MTA2: variants seen among roughly 807,000 people sequenced by gnomAD.
MTA2 encodes the protein metastasis-associated protein MTA2.
MTA2 carries 22 observed loss-of-function variants against 87.1 expected under a neutral mutation model. That is an observed-to-expected ratio of 0.25 (90% CI 0.18 to 0.36). MTA2 has a LOEUF of 0.36. Among genes scored for constraint, MTA2 ranks in the 10% least tolerant of loss-of-function variants. The probability of loss-of-function intolerance (pLI) is 1.00; values close to 1 mark genes in which losing one functional copy is unlikely to be tolerated. For synonymous variants in MTA2, 314 were observed against 310.1 expected, an observed-to-expected ratio of 1.01 and a Z score of -0.13; for missense variants, 542 against 853.2, an observed-to-expected ratio of 0.64 and a Z score of 4.54.
Position 62,601,424 on chromosome 11 carries a change from T to G in MTA2, c.27A>C (p.Gly9=), listed in dbSNP as rs1231131647. 2 of 1,610,472 alleles carry G rather than the reference T, an allele frequency of 1.2e-6. No homozygotes were observed. Among genetic ancestry groups the G allele is most frequent in the South Asian group, 2.2e-5 (2 of 90,788 alleles). The change falls in exon 1 of 18, where the codon GGA becomes GGC. Residue 9 remains glycine, a splice_region_variant and synonymous_variant. Coordinates refer to ENST00000278823, the MANE Select transcript of MTA2 (RefSeq NM_004739.4). ...CGTATCCCTGCGCCCGGTACTCACC[T>G]CCCACCCGGTACATGTTGGCCGCCA... is the stretch of plus-strand genomic sequence containing the variant. The part of the protein sequence containing the change: MAANMYRV[G]DYVYFENSSS...
At chr11:62,594,740 AG>A (rs1306212849) in intron 15 of MTA2, 106 bp from the exon 16 acceptor site, 1 of 1,068,772 alleles carries the variant, frequency 9.4e-7, no homozygotes, top group Admixed American at 2.1e-5. Flanking sequence ...CATCCCCAAA[AG>A]TAGCAATGGG....
At chr11:62,598,299 C>A (rs756835416) in intron 5 of MTA2, 28 bp downstream of exon 5, 1 of 1,610,820 alleles carries the variant, frequency 6.2e-7, no homozygotes, top group Non-Finnish European at 8.5e-7. Flanking sequence ...CCATTCCCCT[C>A]GCTCTTCTCT....
At position 62,593,516 on chromosome 11, in the gene MTA2, ATC is replaced by A. The variant is rs80330686; in HGVS notation, c.*357_*358del. ...CCCCAACCAGGTACCACCACCTGTT[ATC>A]TGTTTACTCTTCCCCTCCCCATCCC... is the stretch of plus-strand genomic sequence containing the variant. On this transcript the variant is annotated 3_prime_UTR_variant, in exon 18 of 18. Coordinates refer to ENST00000278823, the MANE Select transcript of MTA2 (RefSeq NM_004739.4). 4.3e-3 allele frequency: 617 copies of A among 144,782 alleles called. 34 individuals carry two copies. In the East Asian group the frequency reaches 0.12, roughly 29 times the overall value. The allele number at this position is 144,782 out of a possible 1,614,324, so 9.0% of individuals were successfully genotyped here. A position where few individuals can be genotyped will look rare whatever the true frequency, so the allele number is the denominator to read the frequency against.
chr11:62,600,088 C>G, intron 3 of MTA2, 78 bp downstream of exon 3: 2 of 1,357,504 alleles, frequency 1.5e-6, no homozygotes, highest in South Asian at 1.2e-5. Flanking sequence ...GGGCATGCTA[C>G]CAGGGGAAAT....
In MTA2 at chr11:62,593,592, C is replaced by G. The variant is rs1233244585; in HGVS notation, c.*283G>C. 8 of 346,930 alleles carry G rather than the reference C, an allele frequency of 2.3e-5. No homozygotes were observed. The highest frequency in any genetic ancestry group is 4.3e-5 in the African/African-American group (2 of 46,502). 21.5% of individuals were successfully genotyped at this position (346,930 alleles called of 1,614,324 possible). ...TTTAAAAAATTAAAAAACCCTCCCC[C>G]CAAAACTGTCCAAGACATCTGTGGG... On this transcript the variant is annotated 3_prime_UTR_variant, in exon 18 of 18. Transcript: ENST00000278823.
chr11:62,594,235 C>T (rs371864017), intron 17 of MTA2, 24 bp downstream of exon 17: 5 of 1,613,652 alleles, frequency 3.1e-6, no homozygotes, highest in African/African-American at 2.7e-5. Context: ...TCCCTCTCAG[C>T]CCCTCCCATG....
At chr11:62,601,365 A>T in intron 1 of MTA2, 58 bp downstream of exon 1, 2 of 1,592,922 alleles carry the variant, frequency 1.3e-6, no homozygotes, top group Non-Finnish European at 8.6e-7. Flanking sequence ...CGAGCCCCTC[A>T]GGTCCCTACC....
In MTA2 at chr11:62,601,055, G is replaced by A. The variant is rs1219826159; in HGVS notation, c.29-366C>T. On this transcript the variant is annotated intron_variant, in intron 1 of 17. Transcript: ENST00000278823. ...AATCGAGGCGCACAATAACGCCTGG[G>A]AAGAGGAAACCTCCGGGCGGCTCCC... The A allele has an allele frequency of 9.9e-6, 5 of 502,774 alleles. No individual in the cohort carries two copies. In the East Asian group the frequency reaches 1.1e-4, roughly 11 times the overall value. The allele number at this position is 502,774 out of a possible 1,614,324, so 31.1% of individuals were successfully genotyped here.
chr11:62,600,028 T>A, intron 3 of MTA2, 138 bp downstream of exon 3: 1 of 701,522 alleles, frequency 1.4e-6, no homozygotes, highest in Non-Finnish European at 2.4e-6. Context: ...AAAACAGGCC[T>A]CCCTCCTCAG....
At position 62,600,257 on chromosome 11, in the gene MTA2, A is replaced by G. The variant is rs1942158940; in HGVS notation, c.99T>C (p.Thr33=). 6.2e-7 allele frequency: 1 copy of G among 1,614,168 alleles called. No individual in the cohort carries two copies. ...LVRRIEELNK[T]ANGNVEAKVV... ...CCTTTGCCTCCACATTTCCATTTGCAGTCTAAGGGGAGGAAAAAAACAAAA... is the reference window on the plus strand; with the variant it reads ...CCTTTGCCTCCACATTTCCATTTGCGGTCTAAGGGGAGGAAAAAAACAAAA... The change falls in exon 3 of 18, where the codon ACT becomes ACC. Residue 33 remains threonine, a splice_region_variant and synonymous_variant. Coordinates refer to ENST00000278823, the MANE Select transcript of MTA2 (RefSeq NM_004739.4).
Position 62,596,545 on chromosome 11 carries a change from G to A in MTA2, c.883-13C>T, listed in dbSNP as rs200509559. On this transcript the variant is annotated splice_polypyrimidine_tract_variant and intron_variant, in intron 9 of 17. Transcript: ENST00000278823. ...ACTTCCAGGGTAGCTAAGGGGGGCA[G>A]AGGGAGGAAGAATGAGCTGGCATCT... is the stretch of plus-strand genomic sequence containing the variant. 1.4e-5 allele frequency: 22 copies of A among 1,614,022 alleles called. No homozygotes were observed. In the South Asian group the frequency reaches 1.6e-4, roughly 12 times the overall value.
chr11:62,597,206 C>CA (rs35814304), intron 8 of MTA2, 110 bp downstream of exon 8: 179,851 of 635,694 alleles, frequency 0.28, 12,828 homozygotes, highest in Non-Finnish European at 0.33. Flanking sequence ...ACAAAACAAA[C>CA]AAAAAAAAAA....
At position 62,598,528 on chromosome 11, in the gene MTA2, T is replaced by G; in HGVS notation, c.302A>C (p.His101Pro). 6.2e-7 allele frequency: 1 copy of G among 1,614,128 alleles called. No individual in the cohort carries two copies. Among genetic ancestry groups the G allele is most frequent in the Non-Finnish European group, 8.5e-7 (1 of 1,179,976 alleles). Residue 101 changes from histidine to proline, a missense_variant, in exon 4 of 18, where the codon CAC (histidine) becomes CCC (proline). His to Pro is a moderately conservative substitution (Grantham distance 77). This residue lies in a region of MTA2 where 150 missense variants were observed against 243.9 expected (regional missense o/e 0.62). Coordinates refer to ENST00000278823, the MANE Select transcript of MTA2 (RefSeq NM_004739.4). ...SRQFESLPATHIRGKCSVTLL... is the reference protein window; with the variant it reads ...SRQFESLPATPIRGKCSVTLL... Reference sequence around the variant, plus strand: ...GGCCCCAGTTGTCCTGTACCGTATGTGGGTGGCTGGTAATGATTCAAATTG... The same window carrying G: ...GGCCCCAGTTGTCCTGTACCGTATGGGGGTGGCTGGTAATGATTCAAATTG...
At position 62,595,709 on chromosome 11, in the gene MTA2, AT is replaced by A. The variant is rs767421751; in HGVS notation, c.1254+42del. On this transcript the variant is annotated intron_variant, in intron 13 of 17. Transcript: ENST00000278823. The surrounding 1 kb of genome is among the most constrained non-coding windows in gnomAD (Gnocchi z 4.9). Reference sequence around the variant, plus strand: ...GCCTTCACCTAAGCTCACCATCAATATGCTTACTGCTCTCCCCTGCTTTTCT... The same window carrying A: ...GCCTTCACCTAAGCTCACCATCAATAGCTTACTGCTCTCCCCTGCTTTTCT... 3 of 1,608,606 alleles carry A rather than the reference AT, an allele frequency of 1.9e-6. No homozygotes were observed.
chr11:62,598,079 G>C lies in MTA2; in HGVS notation c.435C>G (p.Gly145=). 1 of 1,613,948 alleles carries C rather than the reference G, an allele frequency of 6.2e-7. No individual in the cohort carries two copies. Among genetic ancestry groups the C allele is most frequent in the Non-Finnish European group, 8.5e-7 (1 of 1,180,014 alleles). The part of the protein sequence containing the change: ...PVQKTLLADQ[G]EIRVGCKYQA... Reference sequence around the variant, plus strand: ...GGTATTTGCAACCAACTCTAATCTCGCCCTGATCAGCGAGAAGTGTCTTCT... The same window carrying C: ...GGTATTTGCAACCAACTCTAATCTCCCCCTGATCAGCGAGAAGTGTCTTCT... The change falls in exon 6 of 18, where the codon GGC becomes GGG. Residue 145 remains glycine, a synonymous_variant. Transcript: ENST00000278823.
chr11:62,600,316 G>C, intron 2 of MTA2, 57 bp from the exon 3 acceptor site: 2 of 1,477,612 alleles, frequency 1.4e-6, no homozygotes, highest in African/African-American at 1.4e-5. Flanking sequence ...TTGATCATCT[G>C]GGAACAGAAA....
chr11:62,595,845 C>T lies in MTA2; in HGVS notation c.1161G>A (p.Gln387=), dbSNP rs373530625. ...TCCAACAGGAAGCACAGAGGCGGCA[C>T]TGCATGTTAGGTGGGCCCCAGGCAT... ...QWYAWGPPNM[Q]CRLCASCWIY... The change falls in exon 13 of 18, where the codon CAG becomes CAA. Residue 387 remains glutamine (Q), a synonymous_variant. Coordinates refer to ENST00000278823, the MANE Select transcript of MTA2 (RefSeq NM_004739.4). This position sits in a 1 kb window ranked among gnomAD's most constrained non-coding sequence, Gnocchi z 4.9. 2 of 1,614,220 alleles carry T rather than the reference C, an allele frequency of 1.2e-6. No homozygotes were observed. Among genetic ancestry groups the T allele is most frequent in the African/African-American group, 1.3e-5 (1 of 75,052 alleles).
Position 62,593,439 on chromosome 11 carries a change from G to GAAAA in MTA2, c.*432_*435dup, listed in dbSNP as rs769531642. On this transcript the variant is annotated 3_prime_UTR_variant, in exon 18 of 18. Coordinates refer to ENST00000278823, the MANE Select transcript of MTA2 (RefSeq NM_004739.4). ...GACAGAAAGAGAAACCCCCAATTAG[G>GAAAA]AAAAAAAAAAAAAAAAAAAAAAAAA... 5 of 23,258 alleles carry GAAAA rather than the reference G, an allele frequency of 2.1e-4. No individual in the cohort carries two copies. Among genetic ancestry groups the GAAAA allele is most frequent in the Non-Finnish European group, 3.4e-4 (4 of 11,734 alleles). The allele number at this position is 23,258 out of a possible 1,614,324, so 1.4% of individuals were successfully genotyped here. A position where few individuals can be genotyped will look rare whatever the true frequency, so the allele number is the denominator to read the frequency against.
At position 62,596,654 on chromosome 11, in the gene MTA2, C is replaced by T. The variant is rs763473852; in HGVS notation, c.865G>A (p.Asp289Asn). 1.9e-6 allele frequency: 3 copies of T among 1,612,772 alleles called. No individual in the cohort carries two copies. The highest frequency in any genetic ancestry group is 2.5e-6 in the Non-Finnish European group (3 of 1,179,208). Reference protein sequence around the residue: ...ALEKYGKDFNDIRQDFLPWKS... With the variant: ...ALEKYGKDFNNIRQDFLPWKS... Reference sequence around the variant, plus strand: ...CCACTTACAAAATCCTGGCGAATATCATTGAAGTCCTTCCCATACTTCTCT... The same window carrying T: ...CCACTTACAAAATCCTGGCGAATATTATTGAAGTCCTTCCCATACTTCTCT... The change falls in exon 9 of 18, where the codon GAT (aspartate) becomes AAT (asparagine). Residue 289 changes from aspartate (D) to asparagine (N), a missense_variant. Transcript: ENST00000278823.
Sources: gnomAD v4.1 joint callset for allele counts on GRCh38, gnomAD v4.1.1 for gene constraint, gnomAD v4.1.1 regional missense constraint, Gnocchi (gnomAD v3.1) non-coding constraint, MANE v1.5 for transcripts, NCBI Gene and HGNC (gene_info 2026-07-23, HGNC 2026-07-21) for gene names.